The following POC1B variants were observed in gnomAD, a reference collection of about 807,000 sequenced individuals.
POC1B encodes POC1 centriolar protein B, also known as POC1 centriolar protein homolog B.
POC1B carries 44 observed loss-of-function variants against 60.6 expected under a neutral mutation model. That is an observed-to-expected ratio of 0.73 (90% CI 0.57 to 0.93). POC1B has a LOEUF of 0.93. Among genes scored for constraint, POC1B ranks in the 40% least tolerant of loss-of-function variants. POC1B has a pLI of 0.00. For missense variants in POC1B, 555 were observed against 572.3 expected (o/e 0.97, Z 0.31); for synonymous variants, 180 against 198.9 (o/e 0.90, Z 0.80).
intron 2 of POC1B, among the ~76,000 whole-genome samples, chr12:89,498,879 G>A (rs897424212): frequency 6.6e-6 from 1 of 152,034 alleles, no homozygotes; most frequent in Non-Finnish European, 1.5e-5. Context: ...CCACATAGTA[G>A]GGAAGACAGC....
intron 10 of POC1B, among the ~76,000 whole-genome samples, chr12:89,452,093 C>T (rs1882065711): frequency 6.6e-6 from 1 of 152,138 alleles, no homozygotes; most frequent in African/African-American, 2.4e-5. Flanking sequence ...TGTTTCTCTT[C>T]CACAGGAAGA....
chr12:89,499,316 A>C (rs1200860499), intron 2 of POC1B, among the ~76,000 whole-genome samples: 1 of 152,192 alleles, frequency 6.6e-6, no homozygotes, highest in Non-Finnish European at 1.5e-5. Context: ...CAATAGACAT[A>C]AAGATGGCAA....
At position 89,470,452 on chromosome 12, in the gene POC1B, C is replaced by T. The variant is rs766003536; in HGVS notation, c.719G>A (p.Gly240Asp). 1 of 1,607,322 alleles carries T rather than the reference C, an allele frequency of 6.2e-7. No homozygotes were observed. The highest frequency in any genetic ancestry group is 1.1e-5 in the South Asian group (1 of 90,406). The change falls in exon 7 of 12, where the codon GGT becomes GAT. Residue 240 changes from glycine to aspartate, a missense_variant. By Grantham distance (94) the Gly-to-Asp change is moderately conservative. Transcript: ENST00000313546. ...GVNCISFHPS[G>D]NYLITASSDG... is the part of the protein sequence containing the mutation. Reference sequence around the variant, plus strand: ...TGAAGAAGCTGTGATGAGATAGTTACCCGAAGGATGGAATGATATGCAATT... The same window carrying T: ...TGAAGAAGCTGTGATGAGATAGTTATCCGAAGGATGGAATGATATGCAATT...
rs1164993569 is a variant in POC1B at position 89,524,875 on chromosome 12, C to A, written c.100+245G>T. On this transcript the variant is annotated intron_variant, in intron 2 of 11. Coordinates refer to ENST00000313546, the MANE Select transcript of POC1B (RefSeq NM_172240.3). ...CTCACTCCTCCTGGTGGTTAGTTTG[C>A]GAAAGTCGTCCGCCAGGCCCAGACC... The A allele has an allele frequency of 1.1e-5, 7 of 652,896 alleles. No homozygotes were observed. In the Admixed American group the frequency reaches 1.5e-4, roughly 14 times the overall value. The allele number at this position is 652,896 out of a possible 1,614,324, so 40.4% of individuals were successfully genotyped here. A position where few individuals can be genotyped will look rare whatever the true frequency, so the allele number is the denominator to read the frequency against.
At chr12:89,486,516 A>G (rs1868640747) in intron 4 of POC1B, among the ~76,000 whole-genome samples, 1 of 152,218 alleles carries the variant, frequency 6.6e-6, no homozygotes, top group South Asian at 2.1e-4. Context: ...GAAGAAAGAC[A>G]GAAAGTGACA....
rs111514387 is a variant in POC1B at position 89,497,312 on chromosome 12, A to G, written c.131T>C (p.Leu44Pro). 1 of 1,612,710 alleles carries G rather than the reference A, an allele frequency of 6.2e-7. No homozygotes were observed. Among genetic ancestry groups the G allele is most frequent in the Non-Finnish European group, 8.5e-7 (1 of 1,179,954 alleles). The change falls in exon 3 of 12, where the codon CTA becomes CCA. Residue 44 changes from leucine (L) to proline (P), a missense_variant. Physicochemically the swap from Leu to Pro is moderately conservative, Grantham distance 98 (BLOSUM62 -3). Transcript: ENST00000313546. The part of the protein sequence containing the change: ...ATASWDTFLM[L>P]WNFKPHARAY... ...TCTAGCATGTGGCTTGAAATTCCAT[A>G]GCATGAGAAAGGTATCCCAAGAAGC...
intron 4 of POC1B, among the ~76,000 whole-genome samples, chr12:89,479,624 C>T (rs1883244961): frequency 6.6e-6 from 1 of 151,888 alleles, no homozygotes; most frequent in African/African-American, 2.4e-5. Context: ...TATTCACCTC[C>T]TCTTACACTA....
chr12:89,446,959 T>C (rs564140825), intron 10 of POC1B, among the ~76,000 whole-genome samples: 4 of 152,258 alleles, frequency 2.6e-5, no homozygotes, highest in African/African-American at 9.6e-5. Flanking sequence ...TTCACAAACA[T>C]ACTCATAGTT....
chr12:89,459,167 C>T (rs759713468), intron 10 of POC1B, among the ~76,000 whole-genome samples: 1 of 151,786 alleles, frequency 6.6e-6, no homozygotes, highest in Non-Finnish European at 1.5e-5. Flanking sequence ...CATCTTAATA[C>T]GTGAGACAGT....
intron 4 of POC1B, among the ~76,000 whole-genome samples, chr12:89,482,853 A>T (rs1868416364): frequency 6.6e-6 from 1 of 152,110 alleles, no homozygotes; most frequent in Non-Finnish European, 1.5e-5. Context: ...TAGTTCCCAT[A>T]ATCCTCACTT....
intron 9 of POC1B, among the ~76,000 whole-genome samples, chr12:89,464,107 T>C (rs1162305050): frequency 2.0e-5 from 3 of 152,234 alleles, no homozygotes; most frequent in Non-Finnish European, 4.4e-5. Context: ...CCATTTATTC[T>C]ACATATTTTA....
intron 2 of POC1B, 148 bp downstream of exon 2, chr12:89,524,972 C>T: frequency 1.6e-6 from 2 of 1,270,478 alleles, no homozygotes; most frequent in Non-Finnish European, 2.2e-6. Context: ...AGCTGCGCCC[C>T]GCCGCGCTGG....
At chr12:89,505,570 G>GT (rs1482506440) in intron 2 of POC1B, among the ~76,000 whole-genome samples, 4 of 152,212 alleles carry the variant, frequency 2.6e-5, no homozygotes, top group African/African-American at 9.6e-5. Context: ...CAGGGAGGGA[G>GT]TATAGTGGCT....
At chr12:89,459,584 C>T in intron 10 of POC1B, 54 bp downstream of exon 10, 1 of 992,640 alleles carries the variant, frequency 1.0e-6, no homozygotes, top group Non-Finnish European at 1.4e-6. Flanking sequence ...TGGATTATGC[C>T]AAATGATTAA....
chr12:89,466,729 A>C (rs773070399), intron 9 of POC1B, 41 bp downstream of exon 9: 3 of 1,544,076 alleles, frequency 1.9e-6, no homozygotes, highest in Non-Finnish European at 2.6e-6. Flanking sequence ...AAGCCTCAAA[A>C]TGTACACAAA....
At chr12:89,404,657 C>T in the POC1B span, among the ~76,000 whole-genome samples, 2 of 152,190 alleles carry the variant, frequency 1.3e-5, no homozygotes, top group Non-Finnish European at 2.9e-5. Context: ...CCAGCTACAA[C>T]ATGACTCTTC....
chr12:89,481,591 G>A (rs1335376320), intron 4 of POC1B, among the ~76,000 whole-genome samples: 2 of 152,178 alleles, frequency 1.3e-5, no homozygotes, highest in African/African-American at 2.4e-5. Context: ...CAGGGTACAA[G>A]AGAAGATTTA....
chr12:89,483,553 G>C (rs1868467622), intron 4 of POC1B, among the ~76,000 whole-genome samples: 1 of 151,990 alleles, frequency 6.6e-6, no homozygotes, highest in Non-Finnish European at 1.5e-5. Flanking sequence ...ATTCATGAAG[G>C]GTGTGCTTCA....
chr12:89,503,853 G>A lies in POC1B; in HGVS notation c.101-6511C>T, dbSNP rs1203206919. Among the ~76,000 whole-genome samples the A allele has an allele frequency of 3.0e-5, 4 of 134,512 alleles. No individual in the cohort carries two copies. In the South Asian group the frequency reaches 7.7e-4, roughly 26 times the overall value. The allele number at this position is 134,512 out of a possible 152,430, so 88.2% of individuals were successfully genotyped here. ...AGCCCCTCCGCCCGGCAGCCGCCCC[G>A]TCTGAGAAGTGAGGAGCCCCTCCGC... On this transcript the variant is annotated intron_variant, in intron 2 of 11. Coordinates refer to ENST00000313546, the MANE Select transcript of POC1B (RefSeq NM_172240.3).
Sources: gnomAD v4.1 joint callset for allele counts (sites outside exome capture counted in the v4.1 genomes callset) on GRCh38, gnomAD v4.1.1 for gene constraint, MANE v1.5 for transcripts, NCBI Gene and HGNC (gene_info 2026-07-23, HGNC 2026-07-21) for gene names.